The following CNOT6 variants were observed in gnomAD, a reference collection of about 807,000 sequenced individuals.
The protein encoded by CNOT6 is carbon catabolite repression 4 protein.
Under a neutral mutation model 61.2 loss-of-function variants are expected in CNOT6, and 12 were observed. That is an observed-to-expected ratio of 0.20 (90% CI 0.13 to 0.32). CNOT6 has a LOEUF of 0.32. Ranked by LOEUF, CNOT6 falls within the 10% of genes least tolerant of loss-of-function variation. CNOT6 has a pLI of 1.00. For missense variants in CNOT6, 405 were observed against 663.9 expected, an observed-to-expected ratio of 0.61 and a Z score of 4.28; for synonymous variants, 225 against 240.6, an observed-to-expected ratio of 0.94 and a Z score of 0.60.
At chr5:180,507,936 G>C (rs1229342705) in intron 1 of CNOT6, among the ~76,000 whole-genome samples, 2 of 152,288 alleles carry the variant, frequency 1.3e-5, no homozygotes, top group African/African-American at 2.4e-5. Flanking sequence ...AGACAGCACC[G>C]AAGGGGAAAA....
At chr5:180,559,830 AT>A (rs930046215) in intron 4 of CNOT6, among the ~76,000 whole-genome samples, 64 of 152,020 alleles carry the variant, frequency 4.2e-4, no homozygotes, top group African/African-American at 1.5e-3. Flanking sequence ...ATTGGGGGTT[AT>A]TTTACCAGTT....
At chr5:180,553,756 C>T (rs1289169724) in intron 4 of CNOT6, among the ~76,000 whole-genome samples, 1 of 151,976 alleles carries the variant, frequency 6.6e-6, no homozygotes, top group Non-Finnish European at 1.5e-5. Context: ...TGCTTTATTT[C>T]ATCATGTTAT....
At chr5:180,500,464 G>C (rs1756823657) in intron 1 of CNOT6, among the ~76,000 whole-genome samples, 1 of 144,440 alleles carries the variant, frequency 6.9e-6, no homozygotes. Context: ...TTGAGATGGA[G>C]TCTCACTCTG....
At chr5:180,546,714 C>T (rs1329847226) in intron 2 of CNOT6, among the ~76,000 whole-genome samples, 6 of 152,138 alleles carry the variant, frequency 3.9e-5, no homozygotes, top group African/African-American at 1.4e-4. Context: ...ATGTAGATTT[C>T]CATCTGGTAT....
At chr5:180,571,587 A>G (rs1760751021) in intron 11 of CNOT6, among the ~76,000 whole-genome samples, 155 bp downstream of exon 11, 1 of 152,108 alleles carries the variant, frequency 6.6e-6, no homozygotes, top group South Asian at 2.1e-4. Context: ...TTTGTTTGAG[A>G]CAAGGTCTCA....
At chr5:180,532,915 A>G (rs1346043532) in intron 2 of CNOT6, among the ~76,000 whole-genome samples, 1 of 152,190 alleles carries the variant, frequency 6.6e-6, no homozygotes, top group Non-Finnish European at 1.5e-5. Context: ...GTAGGGGAAA[A>G]AGTGCAGTGT....
At chr5:180,527,436 AT>A (rs1288566550) in intron 1 of CNOT6, among the ~76,000 whole-genome samples, 14 of 152,300 alleles carry the variant, frequency 9.2e-5, no homozygotes, top group Non-Finnish European at 1.9e-4. Context: ...CTTTAAAAAA[AT>A]TTTTAATTGT....
chr5:180,545,574 T>TAGTA lies in CNOT6; in HGVS notation c.113-4356_113-4353dup, dbSNP rs1466842344. Among the ~76,000 whole-genome samples, 3 of 152,226 alleles carry TAGTA rather than the reference T, an allele frequency of 2.0e-5. No individual in the cohort carries two copies. The East Asian group carries it at 5.8e-4, about 29-fold the overall frequency. On this transcript the variant is annotated intron_variant, in intron 2 of 11. Coordinates refer to ENST00000261951, the MANE Select transcript of CNOT6 (RefSeq NM_001370472.1). ...TAGTTCATTCTTTTTTATTACTGAG[T>TAGTA]AGTAGTCCATTGTATGGCTACGCCA... is the stretch of plus-strand genomic sequence containing the variant.
rs577372562 is a variant in CNOT6, at chr5:180,542,751, T to A, written c.113-7180T>A. Among the ~76,000 whole-genome samples, 55 of 152,330 alleles carry A rather than the reference T, an allele frequency of 3.6e-4. 1 individual carries two copies. The South Asian group carries it at 0.011, about 30-fold the overall frequency. ...CCTGGGTATTTTATAATGAAATCAC[T>A]TATCAAAACAGGGCTCTTAACATAG... On this transcript the variant is annotated intron_variant, in intron 2 of 11. Coordinates refer to ENST00000261951, the MANE Select transcript of CNOT6 (RefSeq NM_001370472.1).
intron 11 of CNOT6, 66 bp downstream of exon 11, chr5:180,571,498 T>C: frequency 1.7e-6 from 2 of 1,144,214 alleles, no homozygotes; most frequent in Non-Finnish European, 2.6e-6. Context: ...GATACATCAT[T>C]ATGTCTTTAA....
rs111322160 is a variant in CNOT6 at position 180,564,099 on chromosome 5, C to T, written c.386-390C>T. 5.6e-3 allele frequency among the ~76,000 whole-genome samples: 856 copies of T among 152,264 alleles called. 8 individuals are homozygous for T. Among genetic ancestry groups the T allele is most frequent in the African/African-American group, 0.02 (822 of 41,546 alleles). On this transcript the variant is annotated intron_variant, in intron 4 of 11. Coordinates refer to ENST00000261951, the MANE Select transcript of CNOT6 (RefSeq NM_001370472.1). Reference sequence around the variant, plus strand: ...AGAGTTTTGATTCTCTGATGCATTACGCTGGCTTTCATCCTTCCCTTCACT... The same window carrying T: ...AGAGTTTTGATTCTCTGATGCATTATGCTGGCTTTCATCCTTCCCTTCACT...
chr5:180,561,871 A>G (rs1048533553), intron 4 of CNOT6, among the ~76,000 whole-genome samples: 3 of 152,126 alleles, frequency 2.0e-5, no homozygotes, highest in African/African-American at 7.2e-5. Flanking sequence ...GGAGGAAGGG[A>G]GCTCCATATC....
intron 2 of CNOT6, among the ~76,000 whole-genome samples, chr5:180,533,967 A>T (rs1044717946): frequency 2.6e-5 from 4 of 152,076 alleles, no homozygotes; most frequent in African/African-American, 7.2e-5. Flanking sequence ...CTCCTTTTGG[A>T]TACTGCAGAA....
chr5:180,531,567 A>G (rs1346475236), intron 2 of CNOT6, among the ~76,000 whole-genome samples: 7 of 151,474 alleles, frequency 4.6e-5, no homozygotes, highest in African/African-American at 1.7e-4. Flanking sequence ...GACGCTCCTC[A>G]CTTCCCAGAC....
chr5:180,509,440 T>C (rs942240740), intron 1 of CNOT6, among the ~76,000 whole-genome samples: 3 of 152,106 alleles, frequency 2.0e-5, no homozygotes, highest in African/African-American at 7.2e-5. Flanking sequence ...TGATTTTTTT[T>C]GTTTTTGCTT....
rs376434714 is a variant in CNOT6, at chr5:180,565,926, G to A, written c.666G>A (p.Lys222=). 2.5e-6 allele frequency: 4 copies of A among 1,613,806 alleles called. No individual in the cohort carries two copies. The highest frequency in any genetic ancestry group is 1.3e-5 in the African/African-American group (1 of 74,894). The change falls in exon 7 of 12, where the codon AAG becomes AAA. Residue 222 remains lysine (K), a synonymous_variant. Coordinates refer to ENST00000261951, the MANE Select transcript of CNOT6 (RefSeq NM_001370472.1). Reference sequence around the variant, plus strand: ...CGCTAAACTGGGACTACAGGAAAAAGGCCATTATTCAAGAAATCTTGAGCT... The same window carrying A: ...CGCTAAACTGGGACTACAGGAAAAAAGCCATTATTCAAGAAATCTTGAGCT... The part of the protein sequence containing the change: ...SWALNWDYRK[K]AIIQEILSCN...
intron 1 of CNOT6, among the ~76,000 whole-genome samples, chr5:180,501,252 A>G (rs948233696): frequency 2.0e-4 from 30 of 152,294 alleles, no homozygotes; most frequent in African/African-American, 7.0e-4. Flanking sequence ...ACATCAGCAT[A>G]GGGGATAGAA....
At chr5:180,569,929 GTTTC>G (rs1490301099) in intron 10 of CNOT6, among the ~76,000 whole-genome samples, 2 of 152,110 alleles carry the variant, frequency 1.3e-5, no homozygotes, top group Non-Finnish European at 2.9e-5. Context: ...ATAACAAACT[GTTTC>G]TTTCTTTTTG....
intron 1 of CNOT6, among the ~76,000 whole-genome samples, chr5:180,500,889 C>G (rs1024326881): frequency 6.6e-6 from 1 of 151,940 alleles, no homozygotes; most frequent in African/African-American, 2.4e-5. Flanking sequence ...TTGGAAAACC[C>G]AGGGAGTCAT....
Sources: gnomAD v4.1 joint callset for allele counts (sites outside exome capture counted in the v4.1 genomes callset) on GRCh38, gnomAD v4.1.1 for gene constraint, MANE v1.5 for transcripts, NCBI Gene and HGNC (gene_info 2026-07-23, HGNC 2026-07-21) for gene names.